Variants in SFI1 observed in about 807,000 individuals in gnomAD.
The protein encoded by SFI1 is protein SFI1 homolog.
A neutral mutation model predicts 207.5 loss-of-function variants in SFI1; 195 were observed. The ratio of observed to expected loss-of-function variants is 0.94; its 90% CI spans 0.84 to 1.06. The LOEUF is 1.06. SFI1 is among the 50% of genes least tolerant of loss of function. SFI1 has a pLI of 0.00. For synonymous variants in SFI1, 630 were observed against 598.9 expected (o/e 1.05, Z -0.76); for missense variants, 1,634 against 1,588.0 (o/e 1.03, Z -0.49).
chr22:31,599,595 G>T (rs2057761316), intron 15 of SFI1, among the ~76,000 whole-genome samples: 1 of 152,130 alleles, frequency 6.6e-6, no homozygotes, highest in Admixed American at 6.5e-5. Flanking sequence ...CTCCCAAAGT[G>T]CTGGGATTAC....
intron 15 of SFI1, among the ~76,000 whole-genome samples, chr22:31,600,514 C>T (rs1298254586): frequency 2.6e-5 from 4 of 152,212 alleles, no homozygotes; most frequent in Non-Finnish European, 5.9e-5. Flanking sequence ...TCACTCTCTG[C>T]TAGGCCTCCA....
intron 15 of SFI1, among the ~76,000 whole-genome samples, chr22:31,593,692 C>G (rs933969556): frequency 3.5e-5 from 5 of 144,738 alleles, no homozygotes; most frequent in African/African-American, 1.3e-4. Flanking sequence ...CCACTGCACT[C>G]CAGCCTGGGC....
rs182610857 is a variant in SFI1 at position 31,568,432 on chromosome 22, T to A, written c.766-4626T>A. Among the ~76,000 whole-genome samples, 174 of 143,930 alleles carry A rather than the reference T, an allele frequency of 1.2e-3. 2 individuals are homozygous for A. Among genetic ancestry groups the A allele is most frequent in the Middle Eastern group, 0.011 (3 of 274 alleles). The allele number at this position is 143,930 out of a possible 152,430, so 94.4% of individuals were successfully genotyped here. ...CTGTAATCCCAGCTACCTGGGAGGC[T>A]GAGCACGAGAATCACTTGAATCCAG... On this transcript the variant is annotated intron_variant, in intron 8 of 32. Coordinates refer to ENST00000400288, the MANE Select transcript of SFI1 (RefSeq NM_001007467.3).
chr22:31,564,124 G>C (rs1311099557), intron 8 of SFI1, among the ~76,000 whole-genome samples: 1 of 151,460 alleles, frequency 6.6e-6, no homozygotes, highest in Non-Finnish European at 1.5e-5. Flanking sequence ...TCAGGAGATG[G>C]AGACCATCCT....
At chr22:31,496,402 G>C (rs1026624180), upstream of SFI1, 2 of 152,378 alleles carry the variant, frequency 1.3e-5, no homozygotes, top group African/African-American at 4.8e-5. Flanking sequence ...AAAGCAACCC[G>C]AAGTGCGCCA....
intron 4 of SFI1, among the ~76,000 whole-genome samples, chr22:31,542,013 C>G (rs2059564780): frequency 6.8e-6 from 1 of 146,318 alleles, no homozygotes; most frequent in African/African-American, 2.5e-5. Flanking sequence ...AGGAAGGAGA[C>G]TGGCGTGAAC....
chr22:31,617,342 G>A (rs564559542), intron 31 of SFI1, among the ~76,000 whole-genome samples: 1 of 152,128 alleles, frequency 6.6e-6, no homozygotes, highest in Admixed American at 6.6e-5. Flanking sequence ...GCTTCCTATG[G>A]GGGGGACGAT....
At position 31,615,188 on chromosome 22, in the gene SFI1, C is replaced by T. The variant is rs759774985; in HGVS notation, c.3209C>T (p.Pro1070Leu). Residue 1070 changes from proline to leucine, a missense_variant, in exon 29 of 33, where the codon CCG (proline) becomes CTG (leucine). Coordinates refer to ENST00000400288, the MANE Select transcript of SFI1 (RefSeq NM_001007467.3). ...LPGALSSAPG[P>L]KQPPTASTGP... ...GGGGCCCTGTCAAGCGCCCCTGGCC[C>T]GAAGCAGCCCCCGACGGCAAGCACA... 19 of 1,591,466 alleles carry T rather than the reference C, an allele frequency of 1.2e-5. No individual in the cohort carries two copies. Among genetic ancestry groups the T allele is most frequent in the Middle Eastern group, 1.7e-4 (1 of 5,990 alleles).
Position 31,604,354 on chromosome 22 carries a change from G to T in SFI1, c.1927G>T (p.Asp643Tyr). 6.3e-7 allele frequency: 1 copy of T among 1,579,622 alleles called. No individual in the cohort carries two copies. Among genetic ancestry groups the T allele is most frequent in the South Asian group, 1.2e-5 (1 of 86,510 alleles). ...GGAGCGGCAGAAGCTGATGCGAGCA[G>T]ACCTGCACCACCAGCACAGCGTGCT... ...GAERQKLMRADLHHQHSVLHR... is the reference protein window; with the variant it reads ...GAERQKLMRAYLHHQHSVLHR... Residue 643 changes from aspartate (D) to tyrosine (Y), a missense_variant, in exon 19 of 33, where the codon GAC (aspartate) becomes TAC (tyrosine). Transcript: ENST00000400288.
At chr22:31,511,289 C>T (rs1173428804) in intron 2 of SFI1, among the ~76,000 whole-genome samples, 1 of 151,988 alleles carries the variant, frequency 6.6e-6, no homozygotes. Flanking sequence ...AGATCCTGCC[C>T]CTGTTGATAG....
chr22:31,594,612 T>C (rs2066792011), intron 15 of SFI1, among the ~76,000 whole-genome samples: 1 of 150,646 alleles, frequency 6.6e-6, no homozygotes, highest in South Asian at 2.1e-4. Context: ...TCCCAGCACT[T>C]TGGGAGTCCA....
chr22:31,542,285 G>A (rs1426354424), intron 4 of SFI1, among the ~76,000 whole-genome samples: 4 of 146,882 alleles, frequency 2.7e-5, no homozygotes, highest in Admixed American at 2.7e-4. Flanking sequence ...GTACACAAAT[G>A]TGTGTGTGTG....
chr22:31,509,788 T>C (rs533819272), intron 2 of SFI1, among the ~76,000 whole-genome samples: 1 of 152,282 alleles, frequency 6.6e-6, no homozygotes, highest in East Asian at 1.9e-4. Context: ...AGTCACGAGG[T>C]CTATTGGTCT....
chr22:31,503,565 T>C (rs932520443), intron 1 of SFI1, among the ~76,000 whole-genome samples: 42 of 150,860 alleles, frequency 2.8e-4, no homozygotes, highest in Non-Finnish European at 5.6e-4. Context: ...CACCTAATAA[T>C]TTTTGTTTTT....
At chr22:31,534,440 C>T (rs1360206021) in intron 4 of SFI1, among the ~76,000 whole-genome samples, 1 of 152,084 alleles carries the variant, frequency 6.6e-6, no homozygotes, top group Non-Finnish European at 1.5e-5. Context: ...TCTTTCTTCT[C>T]ACATCTCCAG....
chr22:31,512,147 G>A (rs1420750265), intron 2 of SFI1, among the ~76,000 whole-genome samples: 1 of 152,088 alleles, frequency 6.6e-6, no homozygotes, highest in African/African-American at 2.4e-5. Flanking sequence ...TCTGAGGCCA[G>A]GAGTTTGAGA....
At chr22:31,497,598 C>T (rs949599196) in intron 1 of SFI1, among the ~76,000 whole-genome samples, 2 of 152,182 alleles carry the variant, frequency 1.3e-5, no homozygotes, top group African/African-American at 2.4e-5. Context: ...AATAGCCCCA[C>T]AGTGGCCCCT....
chr22:31,500,277 C>CAAAAAAAAAAAAAAA (rs150915256), intron 1 of SFI1, among the ~76,000 whole-genome samples: 2 of 98,434 alleles, frequency 2.0e-5, no homozygotes, highest in Non-Finnish European at 4.1e-5. Flanking sequence ...GACTCTGTCT[C>CAAAAAAAAAAAAAAA]AAAAAAAAAA....
intron 24 of SFI1, chr22:31,612,398 A>C (rs4820053): frequency 5.0e-5 from 3 of 60,192 alleles, no homozygotes; most frequent in African/African-American, 2.0e-4. Context: ...AAAAAAAAAA[A>C]ATATATATAT....
Sources: allele counts gnomAD v4.1 joint callset (sites outside exome capture counted in the v4.1 genomes callset), GRCh38; gene constraint gnomAD v4.1.1; transcripts MANE v1.5; gene names NCBI Gene and HGNC (gene_info 2026-07-23, HGNC 2026-07-21).